NEK5: variants seen among roughly 807,000 people sequenced by gnomAD.
NEK5 encodes the protein serine/threonine-protein kinase Nek5.
Under a neutral mutation model 109.2 loss-of-function variants are expected in NEK5, and 88 were observed. The ratio of observed to expected loss-of-function variants is 0.81; its 90% CI spans 0.68 to 0.96. NEK5 has a LOEUF of 0.96. Ranked by LOEUF, NEK5 falls within the 40% of genes least tolerant of loss-of-function variation. NEK5 has a pLI of 0.00. For missense variants in NEK5, 834 were observed against 920.7 expected, an observed-to-expected ratio of 0.91 and a Z score of 1.22; for synonymous variants, 283 against 299.9, an observed-to-expected ratio of 0.94 and a Z score of 0.58.
At chr13:52,103,216 G>A (rs777423686) in intron 9 of NEK5, among the ~76,000 whole-genome samples, 2 of 152,140 alleles carry the variant, frequency 1.3e-5, no homozygotes, top group Non-Finnish European at 2.9e-5. Flanking sequence ...ATCACCCAAG[G>A]TCAGGAGTTC....
chr13:52,098,468 C>A (rs1205316914), intron 12 of NEK5, among the ~76,000 whole-genome samples: 1 of 151,984 alleles, frequency 6.6e-6, no homozygotes, highest in African/African-American at 2.4e-5. Context: ...AAATACAATT[C>A]TTTAATTAAA....
intron 9 of NEK5, among the ~76,000 whole-genome samples, chr13:52,103,161 G>A (rs1955576514): frequency 6.6e-6 from 1 of 152,156 alleles, no homozygotes; most frequent in South Asian, 2.1e-4. Context: ...GGGCATGGTG[G>A]CTCACGCCTG....
intron 3 of NEK5, among the ~76,000 whole-genome samples, chr13:52,125,743 T>C (rs1956053634): frequency 6.6e-6 from 1 of 151,906 alleles, no homozygotes; most frequent in South Asian, 2.1e-4. Context: ...AAAGGACACA[T>C]GGTTGAGGAC....
chr13:52,075,929 C>T (rs1954859828), intron 18 of NEK5, 103 bp from the exon 19 acceptor site: 1 of 923,586 alleles, frequency 1.1e-6, no homozygotes. Flanking sequence ...ATTCTTAAAA[C>T]CATTGGTCTC....
rs141660662 is a variant in NEK5 at position 52,033,718 on chromosome 13, T to G, written c.*3230A>C. ...TGAGGGATTTTATAAGGTCATCTTA[T>G]AGACAAAATTAAGAGACACCAGTGT... On this transcript the variant is annotated 3_prime_UTR_variant, in exon 24 of 24. Transcript: ENST00000684899. 2.0e-5 allele frequency: 3 copies of G among 153,614 alleles called. No individual in the cohort carries two copies. Among genetic ancestry groups the G allele is most frequent in the African/African-American group, 7.2e-5 (3 of 41,460 alleles). 9.5% of individuals were successfully genotyped at this position (153,614 alleles called of 1,614,324 possible).
Position 52,112,291 on chromosome 13 carries a change from C to T in NEK5, c.289G>A (p.Gly97Ser), listed in dbSNP as rs751081915. The change falls in exon 5 of 24, where the codon GGT (glycine) becomes AGT (serine). Residue 97 changes from glycine to serine, a missense_variant. Physicochemically the swap from Gly to Ser is moderately conservative, Grantham distance 56 (BLOSUM62 0). Transcript: ENST00000684899. ...ACCTGATCTTCACTAAATAACACACCCCGTTGTCTATTGATCCTTTTCATG... is the reference window on the plus strand; with the variant it reads ...ACCTGATCTTCACTAAATAACACACTCCGTTGTCTATTGATCCTTTTCATG... ...DLMKRINRQR[G>S]VLFSEDQILG... The T allele has an allele frequency of 1.5e-5, 24 of 1,608,298 alleles. No individual in the cohort carries two copies. In the African/African-American group the frequency reaches 2.1e-4, roughly 14 times the overall value.
chr13:52,071,839 G>C, intron 20 of NEK5, 105 bp downstream of exon 20: 1 of 967,442 alleles, frequency 1.0e-6, no homozygotes, highest in South Asian at 1.4e-5. Context: ...GGGCAGAAAG[G>C]GGTCAAGTAA....
At chr13:52,101,292 C>T (rs1287771941) in intron 11 of NEK5, among the ~76,000 whole-genome samples, 1 of 151,776 alleles carries the variant, frequency 6.6e-6, no homozygotes, top group Non-Finnish European at 1.5e-5. Flanking sequence ...CCCAGCTACT[C>T]GGGAGGCTGA....
At chr13:52,095,156 G>A (rs979448643) in intron 12 of NEK5, among the ~76,000 whole-genome samples, 4 of 151,924 alleles carry the variant, frequency 2.6e-5, no homozygotes, top group African/African-American at 7.3e-5. Context: ...GGCTGGTCTC[G>A]AACTCCTGGG....
rs558006016 is a variant in NEK5 at position 52,063,072 on chromosome 13, T to C, written c.1976-1119A>G. On this transcript the variant is annotated intron_variant, in intron 21 of 23. Coordinates refer to ENST00000684899, the MANE Select transcript of NEK5 (RefSeq NM_001365552.1). ...TCCCCCTCTCCCCACGGTCCCCCTC[T>C]CCCCACGGTCTCCCTCTCCCTCTCT... Among the ~76,000 whole-genome samples the C allele has an allele frequency of 3.2e-3, 477 of 150,514 alleles. 3 individuals are homozygous for C. The highest frequency in any genetic ancestry group is 0.011 in the African/African-American group (429 of 40,398).
Position 52,104,594 on chromosome 13 carries a change from A to C in NEK5, c.555-42T>G, listed in dbSNP as rs573613327. ...TTTACATGCCAAGAAAATATCCATA[A>C]TTCTTAATAAAAGCTTTTATCCTTA... is the stretch of plus-strand genomic sequence containing the variant. On this transcript the variant is annotated intron_variant, in intron 8 of 23. Transcript: ENST00000684899. 3.6e-6 allele frequency: 5 copies of C among 1,375,240 alleles called. No individual in the cohort carries two copies. The East Asian group carries it at 1.1e-4, about 31-fold the overall frequency. 85.2% of individuals were successfully genotyped at this position (1,375,240 alleles called of 1,614,324 possible).
At chr13:52,038,102 C>T (rs1417228514) in intron 23 of NEK5, among the ~76,000 whole-genome samples, 1 of 152,114 alleles carries the variant, frequency 6.6e-6, no homozygotes, top group Non-Finnish European at 1.5e-5. Flanking sequence ...ATTTAAGTAG[C>T]AAGTATGAGG....
intron 22 of NEK5, among the ~76,000 whole-genome samples, chr13:52,053,095 G>T (rs1026848186): frequency 6.6e-6 from 1 of 152,154 alleles, no homozygotes. Flanking sequence ...GAGGTCAGGA[G>T]TTCAAAACCA....
intron 17 of NEK5, among the ~76,000 whole-genome samples, chr13:52,080,713 C>T (rs1211553657): frequency 1.3e-5 from 2 of 151,844 alleles, no homozygotes; most frequent in Non-Finnish European, 2.9e-5. Context: ...TAAGAGTCAT[C>T]ACCACTCCCT....
intron 20 of NEK5, among the ~76,000 whole-genome samples, chr13:52,069,711 ACACT>A (rs1177951020): frequency 1.3e-5 from 2 of 152,132 alleles, no homozygotes; most frequent in African/African-American, 4.8e-5. Flanking sequence ...CTCAGTTCCC[ACACT>A]CAGTATCTAT....
At chr13:52,128,054 A>C (rs1956102905) in intron 1 of NEK5, among the ~76,000 whole-genome samples, 1 of 152,166 alleles carries the variant, frequency 6.6e-6, no homozygotes, top group African/African-American at 2.4e-5. Flanking sequence ...AGTCCCGCAC[A>C]ATAAAGGATT....
chr13:52,056,928 C>T (rs894733639), intron 22 of NEK5, among the ~76,000 whole-genome samples: 9 of 151,590 alleles, frequency 5.9e-5, no homozygotes, highest in East Asian at 5.8e-4. Context: ...GCTAGCAGAA[C>T]GCAAGAAATA....
At chr13:52,117,541 C>T (rs1332532796) in intron 4 of NEK5, among the ~76,000 whole-genome samples, 1 of 152,126 alleles carries the variant, frequency 6.6e-6, no homozygotes, top group East Asian at 1.9e-4. Context: ...CAAAAGCTTC[C>T]AGTGGTAAAC....
In NEK5 at chr13:52,073,068, A is replaced by T. The variant is rs180818432; in HGVS notation, c.1723-998T>A. ...TTATCAATAACTAATTAAGACCTAAAATAAATGTGCCTGGTTTCAGGGTAC... is the reference window on the plus strand; with the variant it reads ...TTATCAATAACTAATTAAGACCTAATATAAATGTGCCTGGTTTCAGGGTAC... On this transcript the variant is annotated intron_variant, in intron 19 of 23. Transcript: ENST00000684899. Among the ~76,000 whole-genome samples, 561 of 152,328 alleles carry T rather than the reference A, an allele frequency of 3.7e-3. 3 individuals are homozygous for T. Among genetic ancestry groups the T allele is most frequent in the African/African-American group, 0.013 (532 of 41,576 alleles).
Sources: gnomAD v4.1 joint callset for allele counts (sites outside exome capture counted in the v4.1 genomes callset) on GRCh38, gnomAD v4.1.1 for gene constraint, MANE v1.5 for transcripts, NCBI Gene and HGNC (gene_info 2026-07-23, HGNC 2026-07-21) for gene names.